The following ARMH4 variants were observed in gnomAD, a reference collection of about 807,000 sequenced individuals.
ARMH4 encodes armadillo-like helical domain-containing protein 4.
Under a neutral mutation model 61.9 loss-of-function variants are expected in ARMH4, and 49 were observed. That is an observed-to-expected ratio of 0.79 (90% CI 0.63 to 1.00). The LOEUF is 1.00. ARMH4 is among the 50% of genes least tolerant of loss of function. The pLI, the probability that ARMH4 is intolerant of heterozygous loss-of-function variation, is 0.00. For missense variants in ARMH4, 934 were observed against 930.0 expected, an observed-to-expected ratio of 1.00 and a Z score of -0.06; for synonymous variants, 368 against 341.5, an observed-to-expected ratio of 1.08 and a Z score of -0.85.
intron 5 of ARMH4, among the ~76,000 whole-genome samples, chr14:58,050,969 A>C (rs545871514): frequency 6.6e-6 from 1 of 152,130 alleles, no homozygotes; most frequent in South Asian, 2.1e-4. Flanking sequence ...CGGATGAAAG[A>C]CATTATTTAA....
At chr14:58,113,226 T>C (rs1037640980) in intron 4 of ARMH4, among the ~76,000 whole-genome samples, 1 of 152,190 alleles carries the variant, frequency 6.6e-6, no homozygotes, top group Non-Finnish European at 1.5e-5. Context: ...AATTATATTG[T>C]GTGCATTTCT....
intron 5 of ARMH4, among the ~76,000 whole-genome samples, chr14:58,062,744 G>C (rs1594732305): frequency 6.6e-6 from 1 of 152,332 alleles, no homozygotes; most frequent in Admixed American, 6.5e-5. Flanking sequence ...ATTTGCCTAA[G>C]GGCATACAGC....
chr14:58,090,631 T>C (rs8022677), intron 5 of ARMH4, among the ~76,000 whole-genome samples: 77,383 of 151,284 alleles, frequency 0.51, 20,029 homozygotes, highest in African/African-American at 0.56. Context: ...GTAATCTCAG[T>C]ACTTTAGGAG....
intron 1 of ARMH4, among the ~76,000 whole-genome samples, chr14:58,142,439 C>T (rs991414354): frequency 5.3e-5 from 8 of 151,546 alleles, no homozygotes; most frequent in Admixed American, 2.0e-4. Context: ...TCCTTCCTTC[C>T]TCCTTTTTTT....
chr14:58,124,483 T>C (rs1243660226), intron 4 of ARMH4, among the ~76,000 whole-genome samples: 4 of 152,140 alleles, frequency 2.6e-5, no homozygotes, highest in Non-Finnish European at 4.4e-5. Flanking sequence ...GAGATTTTAT[T>C]GTGTGGACAT....
chr14:58,144,523 C>T lies in ARMH4; in HGVS notation c.-56-5109G>A, dbSNP rs559109060. Among the ~76,000 whole-genome samples, 179 of 152,120 alleles carry T rather than the reference C, an allele frequency of 1.2e-3. 1 individual carries two copies. Among genetic ancestry groups the T allele is most frequent in the African/African-American group, 4.2e-3 (173 of 41,508 alleles). The stretch of plus-strand genomic sequence containing the variant: ...TCATACCACTACACTCCATTCTGGG[C>T]GACAGAGAAAAGACCCTGTCTCAAA... On this transcript the variant is annotated intron_variant, in intron 1 of 7. Coordinates refer to ENST00000267485, the MANE Select transcript of ARMH4 (RefSeq NM_001001872.4).
chr14:58,011,611 G>A (rs1011135345), intron 6 of ARMH4, among the ~76,000 whole-genome samples: 6 of 152,068 alleles, frequency 3.9e-5, no homozygotes, highest in Non-Finnish European at 8.8e-5. Context: ...TATCAACCTG[G>A]AAGTTAACGT....
At chr14:58,032,191 T>C (rs370176430) in intron 5 of ARMH4, among the ~76,000 whole-genome samples, 12 of 152,154 alleles carry the variant, frequency 7.9e-5, no homozygotes, top group South Asian at 6.2e-4. Flanking sequence ...ATGAGACTTA[T>C]GTGTTTTGCT....
intron 1 of ARMH4, among the ~76,000 whole-genome samples, chr14:58,151,238 T>G (rs1327856941): frequency 6.6e-6 from 1 of 152,118 alleles, no homozygotes; most frequent in East Asian, 1.9e-4. Flanking sequence ...GAACCCAAAC[T>G]CTTAAGGGTC....
intron 5 of ARMH4, among the ~76,000 whole-genome samples, chr14:58,085,480 T>C (rs529203135): frequency 1.3e-4 from 20 of 152,172 alleles, no homozygotes; most frequent in African/African-American, 4.8e-4. Flanking sequence ...AGATGTAATA[T>C]GTCTTATTAA....
chr14:58,062,907 GAAGTA>G lies in ARMH4; in HGVS notation c.2089+33812_2089+33816del, dbSNP rs577436214. Among the ~76,000 whole-genome samples, 58 of 152,328 alleles carry G rather than the reference GAAGTA, an allele frequency of 3.8e-4. 1 individual carries two copies. The South Asian group carries it at 6.2e-3, about 16-fold the overall frequency. ...CAGCTTGGCCATGAAGGGGAGAAGAGAAGTAAAGAGCAGTCACTCAAGGGGGTATA... is the reference window on the plus strand; with the variant it reads ...CAGCTTGGCCATGAAGGGGAGAAGAGAAGAGCAGTCACTCAAGGGGGTATA... On this transcript the variant is annotated intron_variant, in intron 5 of 7. Coordinates refer to ENST00000267485, the MANE Select transcript of ARMH4 (RefSeq NM_001001872.4).
At chr14:58,140,554 C>T (rs1010631753) in intron 1 of ARMH4, among the ~76,000 whole-genome samples, 3 of 151,708 alleles carry the variant, frequency 2.0e-5, no homozygotes, top group Non-Finnish European at 4.4e-5. Flanking sequence ...GCACTCCAGC[C>T]TGGACAGGAG....
chr14:58,110,722 A>G (rs1594762907), intron 4 of ARMH4, among the ~76,000 whole-genome samples: 1 of 148,436 alleles, frequency 6.7e-6, no homozygotes, highest in African/African-American at 2.5e-5. Flanking sequence ...ATTTGTTGAG[A>G]TTTTTTTTTT....
At chr14:58,142,445 T>TG (rs546356692) in intron 1 of ARMH4, among the ~76,000 whole-genome samples, 2,579 of 151,918 alleles carry the variant, frequency 0.017, 62 homozygotes, top group African/African-American at 0.056. Flanking sequence ...CTTCCTCCTT[T>TG]TTTTGTTTCT....
In ARMH4 at chr14:58,001,869, C is replaced by T. The variant is rs1594679558; in HGVS notation, c.*2867G>A. On this transcript the variant is annotated 3_prime_UTR_variant, in exon 8 of 8. Transcript: ENST00000267485. The stretch of plus-strand genomic sequence containing the variant: ...TCCGAGAAGAAGACCTAGTTCCTGC[C>T]CCTGCGGTGGGATGCTGGCAGTTCT... The T allele has an allele frequency of 6.6e-6, 1 of 152,028 alleles. No individual in the cohort carries two copies. The highest frequency in any genetic ancestry group is 1.9e-4 in the East Asian group (1 of 5,186). 9.4% of individuals were successfully genotyped at this position (152,028 alleles called of 1,614,324 possible).
At chr14:58,015,262 C>T (rs1295290727) in intron 5 of ARMH4, among the ~76,000 whole-genome samples, 1 of 152,190 alleles carries the variant, frequency 6.6e-6, no homozygotes, top group Non-Finnish European at 1.5e-5. Context: ...GCACAGATAT[C>T]TGAAGGAGCA....
At chr14:58,025,596 T>C (rs1345885238) in intron 5 of ARMH4, among the ~76,000 whole-genome samples, 3 of 152,204 alleles carry the variant, frequency 2.0e-5, no homozygotes, top group African/African-American at 7.2e-5. Context: ...TTTTTCTTTC[T>C]TGTTATTTAA....
chr14:58,047,466 A>T (rs1027393672), intron 5 of ARMH4, among the ~76,000 whole-genome samples: 1 of 152,164 alleles, frequency 6.6e-6, no homozygotes, highest in African/African-American at 2.4e-5. Flanking sequence ...TACATAGAGT[A>T]ATTTTTTACT....
chr14:58,103,310 T>C (rs1228936386), intron 4 of ARMH4, among the ~76,000 whole-genome samples: 1 of 152,078 alleles, frequency 6.6e-6, no homozygotes, highest in African/African-American at 2.4e-5. Flanking sequence ...ATGGTCTGCA[T>C]GCATCCTCCA....
Sources: allele counts gnomAD v4.1 joint callset (sites outside exome capture counted in the v4.1 genomes callset), GRCh38; gene constraint gnomAD v4.1.1; transcripts MANE v1.5; gene names NCBI Gene and HGNC (gene_info 2026-07-23, HGNC 2026-07-21).